Variants in PCDH15 observed in about 807,000 individuals in gnomAD.
PCDH15 encodes protocadherin related 15.
A neutral mutation model predicts 178.5 loss-of-function variants in PCDH15; 129 were observed. That is an observed-to-expected ratio of 0.72 (90% CI 0.63 to 0.84). The LOEUF is 0.84. PCDH15 is among the 40% of genes least tolerant of loss of function. The pLI is 0.00. For synonymous variants in PCDH15, 800 were observed against 732.0 expected (o/e 1.09, Z -1.50); for missense variants, 2,230 against 2,099.9 (o/e 1.06, Z -1.21).
intron 1 of PCDH15, among the ~76,000 whole-genome samples, chr10:55,184,160 A>T (rs1395128818): frequency 6.6e-6 from 1 of 151,966 alleles, no homozygotes; most frequent in Non-Finnish European, 1.5e-5. Flanking sequence ...CTCCAGCTAG[A>T]TGTGGTTTTA....
At chr10:54,193,830 G>T (rs2049286523) in intron 11 of PCDH15, among the ~76,000 whole-genome samples, 1 of 152,014 alleles carries the variant, frequency 6.6e-6, no homozygotes, top group African/African-American at 2.4e-5. Context: ...TTGGCTTAAG[G>T]TCCATTTCTA....
intron 2 of PCDH15, among the ~76,000 whole-genome samples, chr10:54,938,611 T>C (rs570906109): frequency 2.6e-5 from 4 of 152,186 alleles, no homozygotes; most frequent in South Asian, 4.1e-4. Context: ...TTACTCATTA[T>C]AGATTGTGGT....
intron 1 of PCDH15, among the ~76,000 whole-genome samples, chr10:54,676,770 T>A (rs1376328786): frequency 1.3e-5 from 2 of 152,194 alleles, no homozygotes; most frequent in Non-Finnish European, 2.9e-5. Flanking sequence ...ATATTTATCT[T>A]ATAAAAACAT....
At chr10:54,499,653 C>A (rs2080467835) in intron 3 of PCDH15, among the ~76,000 whole-genome samples, 2 of 152,172 alleles carry the variant, frequency 1.3e-5, no homozygotes, top group South Asian at 2.1e-4. Context: ...ATGCCAGAAT[C>A]TCTGGGACAC....
At position 54,943,441 on chromosome 10, in the gene PCDH15, C is replaced by T. The variant is rs570907477; in HGVS notation, c.-79-45941G>A. Among the ~76,000 whole-genome samples the T allele has an allele frequency of 1.7e-4, 26 of 151,998 alleles. No individual in the cohort carries two copies. In the South Asian group the frequency reaches 4.6e-3, roughly 27 times the overall value. ...TAGGAAGTGGGTACTATTTTTATAT[C>T]CATTTAACTCATGGCAAAATTGTGG... On this transcript the variant is annotated intron_variant, in intron 2 of 5. Coordinates refer to the PCDH15 transcript ENST00000458638.
chr10:53,861,239 C>T lies in PCDH15; in HGVS notation c.3718-3976G>A, dbSNP rs532029396. ...CAAATATTTCCAGAAATTTGCATGT[C>T]AGTTTATTACACCAAATATTTAATA... On this transcript the variant is annotated intron_variant, in intron 27 of 37. Transcript: ENST00000644397. Among the ~76,000 whole-genome samples the T allele has an allele frequency of 1.4e-4, 21 of 152,172 alleles. 3 individuals carry two copies. Among genetic ancestry groups the T allele is most frequent in the African/African-American group, 4.8e-4 (20 of 41,544 alleles).
At chr10:54,978,697 C>A (rs1172224157) in intron 2 of PCDH15, among the ~76,000 whole-genome samples, 2 of 152,122 alleles carry the variant, frequency 1.3e-5, no homozygotes, top group Non-Finnish European at 2.9e-5. Context: ...CTTAAATCTG[C>A]ATATCAAACT....
At chr10:54,284,890 C>T (rs1238067065) in intron 8 of PCDH15, among the ~76,000 whole-genome samples, 1 of 152,156 alleles carries the variant, frequency 6.6e-6, no homozygotes, top group Non-Finnish European at 1.5e-5. Context: ...ATACAAGCTT[C>T]TTTATCATCT....
chr10:55,141,833 A>C (rs1476157750), intron 2 of PCDH15, among the ~76,000 whole-genome samples: 1 of 149,546 alleles, frequency 6.7e-6, no homozygotes, highest in Non-Finnish European at 1.5e-5. Context: ...TAGAGGAGAA[A>C]TCTGTTCTTT....
At chr10:54,375,948 G>A (rs1948362735) in intron 4 of PCDH15, among the ~76,000 whole-genome samples, 1 of 126,436 alleles carries the variant, frequency 7.9e-6, no homozygotes, top group Admixed American at 8.7e-5. Flanking sequence ...AGGCTGGAGT[G>A]CAGTGGTGTG....
intron 28 of PCDH15, among the ~76,000 whole-genome samples, chr10:53,841,896 G>A (rs1382102212): frequency 2.7e-5 from 4 of 150,408 alleles, no homozygotes; most frequent in Admixed American, 2.0e-4. Flanking sequence ...GGGAGGTGGA[G>A]GTTGCAGTGA....
chr10:54,714,866 A>G (rs545529665), intron 1 of PCDH15, among the ~76,000 whole-genome samples: 65 of 152,238 alleles, frequency 4.3e-4, no homozygotes, highest in African/African-American at 1.5e-3. Flanking sequence ...TATAACTTCT[A>G]TCTTTGTGGT....
intron 2 of PCDH15, among the ~76,000 whole-genome samples, chr10:55,449,177 C>A (rs1056226089): frequency 5.3e-5 from 8 of 151,986 alleles, no homozygotes; most frequent in African/African-American, 1.9e-4. Flanking sequence ...TCACCAATCA[C>A]CTCATTCTCA....
intron 2 of PCDH15, among the ~76,000 whole-genome samples, chr10:55,363,771 T>A (rs1184455136): frequency 6.6e-6 from 1 of 151,900 alleles, no homozygotes. Flanking sequence ...AAGTAGCCAG[T>A]ATTACAGGCA....
chr10:54,206,142 A>G (rs1285888789), intron 10 of PCDH15, among the ~76,000 whole-genome samples: 1 of 152,146 alleles, frequency 6.6e-6, no homozygotes, highest in Admixed American at 6.6e-5. Flanking sequence ...AACTTGTTAC[A>G]ACGAACACAT....
At chr10:54,319,622 A>C (rs912614244) in intron 7 of PCDH15, among the ~76,000 whole-genome samples, 1 of 152,104 alleles carries the variant, frequency 6.6e-6, no homozygotes, top group Non-Finnish European at 1.5e-5. Context: ...GAGTGTACCA[A>C]ATGCCATTGA....
At chr10:54,673,151 C>G (rs375219113) in intron 1 of PCDH15, among the ~76,000 whole-genome samples, 10 of 151,832 alleles carry the variant, frequency 6.6e-5, no homozygotes, top group East Asian at 3.9e-4. Context: ...ATACACGTGC[C>G]ATGGTGGTTT....
intron 1 of PCDH15, among the ~76,000 whole-genome samples, chr10:55,204,231 AT>A (rs1248082223): frequency 6.7e-6 from 1 of 149,648 alleles, no homozygotes; most frequent in Non-Finnish European, 1.5e-5. Flanking sequence ...TATTTAATAT[AT>A]TCAAGGAAGA....
intron 2 of PCDH15, among the ~76,000 whole-genome samples, chr10:54,925,433 T>A (rs1837593627): frequency 6.6e-6 from 1 of 152,186 alleles, no homozygotes; most frequent in South Asian, 2.1e-4. Flanking sequence ...CAGGCGTTTT[T>A]TTTTGTTTTC....
Sources: allele counts gnomAD v4.1 joint callset (sites outside exome capture counted in the v4.1 genomes callset), GRCh38; gene constraint gnomAD v4.1.1; transcripts MANE v1.5; gene names NCBI Gene and HGNC (gene_info 2026-07-23, HGNC 2026-07-21).